The following CRPPA variants were observed in gnomAD, a reference collection of about 807,000 sequenced individuals.
CRPPA encodes CDP-L-ribitol pyrophosphorylase A, also known as D-ribitol-5-phosphate cytidylyltransferase.
Under a neutral mutation model 52.0 loss-of-function variants are expected in CRPPA, and 43 were observed. The ratio of observed to expected loss-of-function variants is 0.83; its 90% CI spans 0.65 to 1.07. CRPPA has a LOEUF of 1.07. CRPPA is among the 50% of genes least tolerant of loss of function. The probability of loss-of-function intolerance (pLI) is 0.00; values close to 1 mark genes in which losing one functional copy is unlikely to be tolerated. For synonymous variants in CRPPA, 250 were observed against 203.5 expected (o/e 1.23, Z -1.94); for missense variants, 629 against 551.7 (o/e 1.14, Z -1.40).
At chr7:16,286,095 A>T (rs1482913627) in intron 5 of CRPPA, among the ~76,000 whole-genome samples, 416 of 26,450 alleles carry the variant, frequency 0.016, 45 homozygotes, top group African/African-American at 0.045. Context: ...TTTAAAAAAA[A>T]AAATATATAT....
chr7:16,187,624 G>T (rs1421061933), intron 9 of CRPPA, among the ~76,000 whole-genome samples: 2 of 152,184 alleles, frequency 1.3e-5, no homozygotes, highest in Non-Finnish European at 2.9e-5. Context: ...AATTATAAAT[G>T]TCCTGAAGGA....
intron 1 of CRPPA, among the ~76,000 whole-genome samples, chr7:16,419,622 A>G: frequency 6.6e-6 from 1 of 152,148 alleles, no homozygotes; most frequent in East Asian, 1.9e-4. Context: ...AGTGCTTGAG[A>G]TATTTTATAG....
At chr7:16,381,975 C>T (rs1787103740) in intron 2 of CRPPA, among the ~76,000 whole-genome samples, 2 of 151,960 alleles carry the variant, frequency 1.3e-5, no homozygotes, top group South Asian at 4.1e-4. Flanking sequence ...TTAACTGGAG[C>T]ATTTAGTCCA....
In CRPPA at chr7:16,331,713, G is replaced by A. The variant is rs546095835; in HGVS notation, c.685-23086C>T. On this transcript the variant is annotated intron_variant, in intron 3 of 9. Coordinates refer to ENST00000407010, the MANE Select transcript of CRPPA (RefSeq NM_001101426.4). ...AAAAACACTAATAGAAATGAAGAAT[G>A]CCTTTGATGGGCTCATTAGCAGACT... Among the ~76,000 whole-genome samples, 23 of 152,212 alleles carry A rather than the reference G, an allele frequency of 1.5e-4. No homozygotes were observed. The South Asian group carries it at 4.4e-3, about 29-fold the overall frequency.
intron 5 of CRPPA, among the ~76,000 whole-genome samples, chr7:16,284,132 G>A (rs1027669217): frequency 1.3e-5 from 2 of 151,886 alleles, no homozygotes; most frequent in African/African-American, 4.8e-5. Flanking sequence ...CAAATCAAGG[G>A]CAAGGAGATG....
intron 9 of CRPPA, among the ~76,000 whole-genome samples, chr7:16,215,663 A>G (rs1454202988): frequency 6.6e-6 from 1 of 152,234 alleles, no homozygotes; most frequent in African/African-American, 2.4e-5. Flanking sequence ...ACCAGTGGAC[A>G]AGGAATCTGG....
intron 9 of CRPPA, among the ~76,000 whole-genome samples, chr7:16,163,474 G>A (rs933542965): frequency 6.6e-6 from 1 of 151,816 alleles, no homozygotes; most frequent in African/African-American, 2.4e-5. Context: ...TATCCAATTT[G>A]CCAGTCTGTG....
At chr7:16,177,301 T>C (rs191485073) in intron 9 of CRPPA, among the ~76,000 whole-genome samples, 10 of 152,166 alleles carry the variant, frequency 6.6e-5, no homozygotes, top group African/African-American at 2.4e-4. Context: ...TATGTGAGTT[T>C]TAAAACTAAA....
At chr7:16,351,443 C>T (rs1400741676) in intron 3 of CRPPA, among the ~76,000 whole-genome samples, 2 of 151,948 alleles carry the variant, frequency 1.3e-5, no homozygotes, top group Non-Finnish European at 2.9e-5. Flanking sequence ...TTCTGCACAG[C>T]AAAAGAAATT....
intron 2 of CRPPA, among the ~76,000 whole-genome samples, chr7:16,381,716 A>T (rs543305998): frequency 3.0e-4 from 45 of 149,928 alleles, no homozygotes; most frequent in East Asian, 1.2e-3. Context: ...TAGCTCTTCT[A>T]GTTGAATTGA....
chr7:16,385,995 G>A lies in CRPPA; in HGVS notation c.535-9754C>T, dbSNP rs151175384. Among the ~76,000 whole-genome samples the A allele has an allele frequency of 4.6e-3, 695 of 152,310 alleles. 15 individuals carry two copies. The highest frequency in any genetic ancestry group is 0.037 in the Admixed American group (571 of 15,302). On this transcript the variant is annotated intron_variant, in intron 2 of 9. Coordinates refer to ENST00000407010, the MANE Select transcript of CRPPA (RefSeq NM_001101426.4). ...GTTACAGTGCTCCTTTAGCTCTGCC[G>A]TCCACAGACAGCTTAAATGTTAACC...
At chr7:16,316,733 T>C (rs1011470213) in intron 3 of CRPPA, among the ~76,000 whole-genome samples, 6 of 152,080 alleles carry the variant, frequency 3.9e-5, no homozygotes, top group African/African-American at 1.4e-4. Context: ...GGTGCGTTCC[T>C]GTAGTCCAAG....
At chr7:16,125,256 T>G (rs1782553533) in intron 9 of CRPPA, among the ~76,000 whole-genome samples, 1 of 42,370 alleles carries the variant, frequency 2.4e-5, no homozygotes, top group African/African-American at 7.6e-5. Context: ...GGAGACTGTC[T>G]CAAAAAAAAA....
intron 9 of CRPPA, chr7:16,208,903 G>A (rs2128395495): frequency 3.7e-6 from 1 of 267,570 alleles, no homozygotes; most frequent in South Asian, 4.3e-5. Context: ...AGAATGAATA[G>A]AAAGATTTGA....
chr7:16,265,696 A>G (rs1245920602), intron 6 of CRPPA, among the ~76,000 whole-genome samples: 1 of 152,168 alleles, frequency 6.6e-6, no homozygotes, highest in Non-Finnish European at 1.5e-5. Context: ...GGACCCTTTA[A>G]AACATATCTC....
intron 3 of CRPPA, among the ~76,000 whole-genome samples, chr7:16,342,265 A>G (rs1457527863): frequency 6.6e-6 from 1 of 152,198 alleles, no homozygotes; most frequent in Non-Finnish European, 1.5e-5. Flanking sequence ...TCTTGTGAAT[A>G]AGAGCTTAAA....
intron 3 of CRPPA, among the ~76,000 whole-genome samples, chr7:16,330,951 G>T (rs1224473148): frequency 6.6e-6 from 1 of 152,106 alleles, no homozygotes; most frequent in Non-Finnish European, 1.5e-5. Context: ...TAGCTATCCT[G>T]TCCCATTTAA....
At chr7:16,228,525 T>A (rs1782710029) in intron 8 of CRPPA, among the ~76,000 whole-genome samples, 1 of 152,084 alleles carries the variant, frequency 6.6e-6, no homozygotes, top group African/African-American at 2.4e-5. Flanking sequence ...TCAAGGAATT[T>A]TTTAATTATA....
At chr7:16,373,271 G>C (rs962437033) in intron 3 of CRPPA, among the ~76,000 whole-genome samples, 5 of 151,960 alleles carry the variant, frequency 3.3e-5, no homozygotes, top group Non-Finnish European at 7.4e-5. Flanking sequence ...AGTCTAGCCT[G>C]GGCAACAAGA....
Sources: gnomAD v4.1 joint callset for allele counts (sites outside exome capture counted in the v4.1 genomes callset) on GRCh38, gnomAD v4.1.1 for gene constraint, MANE v1.5 for transcripts, NCBI Gene and HGNC (gene_info 2026-07-23, HGNC 2026-07-21) for gene names.